FTO: variants seen among roughly 807,000 people sequenced by gnomAD.
FTO encodes the protein FTO alpha-ketoglutarate dependent dioxygenase, also known as alpha-ketoglutarate-dependent dioxygenase FTO.
In FTO, 47 loss-of-function variants were observed where a neutral mutation model predicts 63.9. The observed-to-expected ratio is 0.74, with a 90% confidence interval of 0.58 to 0.94. The LOEUF (loss-of-function observed/expected upper bound fraction) is 0.94, where lower values mean the gene tolerates loss of function less well. Ranked by LOEUF, FTO falls within the 40% of genes least tolerant of loss-of-function variation. The probability of loss-of-function intolerance (pLI) is 0.00; values close to 1 mark genes in which losing one functional copy is unlikely to be tolerated. For missense variants in FTO, 562 were observed against 618.1 expected, an observed-to-expected ratio of 0.91 and a Z score of 0.96; for synonymous variants, 207 against 224.4, an observed-to-expected ratio of 0.92 and a Z score of 0.69.
intron 8 of FTO, among the ~76,000 whole-genome samples, chr16:54,088,490 G>A (rs1276343992): frequency 1.3e-5 from 2 of 152,140 alleles, no homozygotes; most frequent in African/African-American, 4.8e-5. Flanking sequence ...GTTTTCTTCA[G>A]TATGTTTCTA....
At chr16:53,712,806 C>T (rs1166617255) in intron 1 of FTO, among the ~76,000 whole-genome samples, 1 of 152,094 alleles carries the variant, frequency 6.6e-6, no homozygotes, top group African/African-American at 2.4e-5. Context: ...TGAGAGAGTC[C>T]AGCATCTGTT....
rs1368807430 is a variant in FTO at position 53,810,239 on chromosome 16, A to G, written c.123+22A>G. 5.3e-6 allele frequency: 8 copies of G among 1,521,952 alleles called. No homozygotes were observed. In the African/African-American group the frequency reaches 8.2e-5, roughly 16 times the overall value. The allele number at this position is 1,521,952 out of a possible 1,614,324, so 94.3% of individuals were successfully genotyped here. On this transcript the variant is annotated intron_variant, in intron 2 of 8. Coordinates refer to ENST00000471389, the MANE Select transcript of FTO (RefSeq NM_001080432.3). ...GCAGGTAAGGTATTTTAATATTTTT[A>G]TCAGTTTCAGTGATGTGTTCTGATC... is the stretch of plus-strand genomic sequence containing the variant.
intron 4 of FTO, among the ~76,000 whole-genome samples, chr16:53,852,543 C>T (rs1474518234): frequency 6.6e-6 from 1 of 152,026 alleles, no homozygotes; most frequent in African/African-American, 2.4e-5. Context: ...AAGACAAGCA[C>T]GCTTATAAGT....
intron 1 of FTO, among the ~76,000 whole-genome samples, chr16:53,757,279 T>C (rs1251882871): frequency 6.6e-6 from 1 of 152,116 alleles, no homozygotes; most frequent in Non-Finnish European, 1.5e-5. Context: ...TAATACATTG[T>C]TATTAACTGT....
chr16:53,743,134 G>A lies in FTO; in HGVS notation c.45+38905G>A, dbSNP rs59899076. On this transcript the variant is annotated intron_variant, in intron 1 of 8. Coordinates refer to ENST00000471389, the MANE Select transcript of FTO (RefSeq NM_001080432.3). ...CAATCTATAGAAGCCTTGAATTTTC[G>A]TTAGCCTAAAATTTGAAATGCCCCT... is the stretch of plus-strand genomic sequence containing the variant. 1.9e-3 allele frequency among the ~76,000 whole-genome samples: 282 copies of A among 152,206 alleles called. 2 individuals carry two copies. The highest frequency in any genetic ancestry group is 8.9e-3 in the South Asian group (43 of 4,824).
At chr16:53,970,724 G>C (rs75419721) in intron 8 of FTO, among the ~76,000 whole-genome samples, 3,726 of 152,140 alleles carry the variant, frequency 0.024, 133 homozygotes, top group African/African-American at 0.085. Context: ...ACCTTACAGA[G>C]GTGTGGGCCC....
intron 1 of FTO, among the ~76,000 whole-genome samples, chr16:53,741,387 A>G (rs2076524882): frequency 1.3e-5 from 2 of 152,228 alleles, no homozygotes; most frequent in South Asian, 4.1e-4. Context: ...AGTGTTTACA[A>G]GTAACTTCTA....
intron 3 of FTO, among the ~76,000 whole-genome samples, chr16:53,831,327 T>C (rs1033677181): frequency 1.3e-5 from 2 of 152,178 alleles, no homozygotes; most frequent in African/African-American, 2.4e-5. Context: ...ATTTTTGAAA[T>C]CACTTATACT....
At chr16:54,096,617 C>T (rs767312712) in intron 8 of FTO, among the ~76,000 whole-genome samples, 2 of 152,158 alleles carry the variant, frequency 1.3e-5, no homozygotes, top group African/African-American at 2.4e-5. Flanking sequence ...GCAAAAATAG[C>T]TTTTGAATCA....
intron 1 of FTO, among the ~76,000 whole-genome samples, chr16:53,806,316 A>G (rs1169643336): frequency 6.6e-6 from 1 of 152,192 alleles, no homozygotes; most frequent in Non-Finnish European, 1.5e-5. Flanking sequence ...AATAGGTAAG[A>G]CGTTTACATA....
At chr16:53,979,618 C>T (rs920983485) in intron 8 of FTO, 8 of 387,230 alleles carry the variant, frequency 2.1e-5, no homozygotes, top group East Asian at 7.3e-5. Flanking sequence ...CCTTTTGTGG[C>T]GTACATGTTA....
At chr16:53,726,935 C>T (rs2076168007) in intron 1 of FTO, among the ~76,000 whole-genome samples, 1 of 152,190 alleles carries the variant, frequency 6.6e-6, no homozygotes, top group Non-Finnish European at 1.5e-5. Flanking sequence ...AGGTTTGAAA[C>T]CTCTGTGCAG....
chr16:54,087,127 A>G (rs1212441689), intron 8 of FTO, among the ~76,000 whole-genome samples: 1 of 152,246 alleles, frequency 6.6e-6, no homozygotes, highest in Non-Finnish European at 1.5e-5. Context: ...GCAGGGTGCA[A>G]GGAACATGCC....
At chr16:54,086,231 AC>A (rs1351553070) in intron 8 of FTO, among the ~76,000 whole-genome samples, 1 of 152,196 alleles carries the variant, frequency 6.6e-6, no homozygotes, top group Non-Finnish European at 1.5e-5. Context: ...AACAAAAATA[AC>A]CATTTTTCTG....
At chr16:54,086,792 G>A (rs954125583) in intron 8 of FTO, among the ~76,000 whole-genome samples, 3 of 152,202 alleles carry the variant, frequency 2.0e-5, no homozygotes, top group Admixed American at 1.3e-4. Flanking sequence ...GAAGTCAAAT[G>A]GAATTAAAGT....
intron 8 of FTO, among the ~76,000 whole-genome samples, chr16:53,975,438 A>G (rs1339252237): frequency 3.3e-5 from 5 of 152,106 alleles, no homozygotes; most frequent in Admixed American, 6.6e-5. Flanking sequence ...AGTCATTTGT[A>G]TAAAGATTTG....
At chr16:53,750,217 TTTTTTC>T (rs369455052) in intron 1 of FTO, among the ~76,000 whole-genome samples, 3 of 152,234 alleles carry the variant, frequency 2.0e-5, no homozygotes, top group Non-Finnish European at 2.9e-5. Flanking sequence ...TAAGAATGGC[TTTTTTC>T]TTTTTCTTTT....
At chr16:54,092,312 G>A (rs913942414) in intron 8 of FTO, among the ~76,000 whole-genome samples, 2 of 152,178 alleles carry the variant, frequency 1.3e-5, no homozygotes, top group Non-Finnish European at 2.9e-5. Flanking sequence ...AGAGGAAAAG[G>A]GAAAATTTGC....
intron 2 of FTO, among the ~76,000 whole-genome samples, chr16:53,816,209 A>G (rs943685112): frequency 1.3e-5 from 2 of 152,096 alleles, no homozygotes; most frequent in Non-Finnish European, 1.5e-5. Flanking sequence ...TCTAAAATGT[A>G]TGAAAAATCT....
Sources: gnomAD v4.1 joint callset for allele counts (sites outside exome capture counted in the v4.1 genomes callset) on GRCh38, gnomAD v4.1.1 for gene constraint, MANE v1.5 for transcripts, NCBI Gene and HGNC (gene_info 2026-07-23, HGNC 2026-07-21) for gene names.